Variants in EHMT1 observed in about 807,000 individuals in gnomAD.
The protein encoded by EHMT1 is euchromatic histone lysine methyltransferase 1, also known as histone-lysine N-methyltransferase EHMT1.
A neutral mutation model predicts 147.2 loss-of-function variants in EHMT1; 15 were observed. The observed-to-expected ratio is 0.10, with a 90% confidence interval of 0.07 to 0.16. The LOEUF (loss-of-function observed/expected upper bound fraction) is 0.16. Among genes scored for constraint, EHMT1 ranks in the 10% least tolerant of loss-of-function variants. The pLI, the probability that EHMT1 is intolerant of heterozygous loss-of-function variation, is 1.00. For missense variants in EHMT1, 1,587 were observed against 1,772.4 expected, an observed-to-expected ratio of 0.90 and a Z score of 1.88; for synonymous variants, 795 against 709.6, an observed-to-expected ratio of 1.12 and a Z score of -1.91.
chr9:137,788,784 C>T lies in EHMT1; in HGVS notation c.2383-2064C>T, dbSNP rs577907314. 4.3e-4 allele frequency: 66 copies of T among 152,284 alleles called. No homozygotes were observed. Among genetic ancestry groups the T allele is most frequent in the Middle Eastern group, 3.4e-3 (1 of 296 alleles). 9.4% of individuals were successfully genotyped at this position (152,284 alleles called of 1,614,324 possible). Reference sequence around the variant, plus strand: ...CCGTCAGAGCCTCGCGGAGGGTGAGCGGCCGGCGGCTTCGACCTTGGAGTC... The same window carrying T: ...CCGTCAGAGCCTCGCGGAGGGTGAGTGGCCGGCGGCTTCGACCTTGGAGTC... On this transcript the variant is annotated intron_variant, in intron 15 of 26. Transcript: ENST00000460843.
At chr9:137,620,581 C>T (rs942293426) in intron 1 of EHMT1, among the ~76,000 whole-genome samples, 9 of 151,988 alleles carry the variant, frequency 5.9e-5, no homozygotes, top group South Asian at 2.1e-4. Flanking sequence ...TGGTAGAGAC[C>T]GGGGTTTCAC....
At chr9:137,712,092 C>T (rs1255308272) in intron 2 of EHMT1, among the ~76,000 whole-genome samples, 1 of 152,226 alleles carries the variant, frequency 6.6e-6, no homozygotes, top group African/African-American at 2.4e-5. Flanking sequence ...CCATCCACCT[C>T]CTGCAGCCTG....
chr9:137,744,606 C>CG, intron 6 of EHMT1, among the ~76,000 whole-genome samples: 1 of 152,372 alleles, frequency 6.6e-6, no homozygotes, highest in South Asian at 2.1e-4. Context: ...CCATGAGCCA[C>CG]GGCGCCCGCC....
chr9:137,671,540 T>C (rs1382060696), intron 1 of EHMT1, among the ~76,000 whole-genome samples: 1 of 149,988 alleles, frequency 6.7e-6, no homozygotes, highest in Non-Finnish European at 1.5e-5. Context: ...TTTTTTTTTT[T>C]TCGAGACAGA....
At chr9:137,675,779 A>ATTTTTTTTTTTTTT in intron 1 of EHMT1, among the ~76,000 whole-genome samples, 1 of 95,742 alleles carries the variant, frequency 1.0e-5, no homozygotes, top group African/African-American at 4.7e-5. Context: ...CGCCCGGCTA[A>ATTTTTTTTTTTTTT]TTTTTTTTTT....
At chr9:137,827,723 G>A (rs903886055) in intron 25 of EHMT1, among the ~76,000 whole-genome samples, 3 of 152,186 alleles carry the variant, frequency 2.0e-5, no homozygotes, top group African/African-American at 7.2e-5. Flanking sequence ...TTCTGGAGCT[G>A]TTGAACATGC....
chr9:137,773,779 C>CTTT lies in EHMT1; in HGVS notation c.1648-1328_1648-1327insTTT, dbSNP rs113878900. ...GACCGAATACGAAGAATGTCAGAGG[C>CTTT]TTATGTTGAATTTCTTTGTGTAATT... On this transcript the variant is annotated intron_variant, in intron 10 of 26. Coordinates refer to ENST00000460843, the MANE Select transcript of EHMT1 (RefSeq NM_024757.5). Among the ~76,000 whole-genome samples the CTTT allele has an allele frequency of 6.4e-3, 975 of 152,244 alleles. 13 individuals are homozygous for CTTT. Among genetic ancestry groups the CTTT allele is most frequent in the African/African-American group, 0.021 (869 of 41,518 alleles).
At chr9:137,815,509 G>C (rs1344868180) in intron 22 of EHMT1, 2 of 288,520 alleles carry the variant, frequency 6.9e-6, no homozygotes, top group Non-Finnish European at 1.4e-5. Flanking sequence ...CTTCAGGGGG[G>C]TAGAAAGGGG....
At position 137,786,109 on chromosome 9, in the gene EHMT1, C is replaced by T. The variant is rs1041003161; in HGVS notation, c.2382+3712C>T. 15 of 152,282 alleles carry T rather than the reference C, an allele frequency of 9.9e-5. No individual in the cohort carries two copies. The highest frequency in any genetic ancestry group is 9.8e-4 in the Admixed American group (15 of 15,282). 9.4% of individuals were successfully genotyped at this position (152,282 alleles called of 1,614,324 possible). A position where few individuals can be genotyped will look rare whatever the true frequency, so the allele number is the denominator to read the frequency against. On this transcript the variant is annotated intron_variant, in intron 15 of 26. Transcript: ENST00000460843. The surrounding 1 kb of genome is among the most constrained non-coding windows in gnomAD (Gnocchi z 4.3). ...TTGGGGAGGCCGAGTGAGGGGAGTA[C>T]AGAGCTCTTCGTTCTGTTTTACAGC...
chr9:137,771,624 C>T (rs1250205794), intron 10 of EHMT1, among the ~76,000 whole-genome samples: 1 of 152,132 alleles, frequency 6.6e-6, no homozygotes, highest in Admixed American at 6.5e-5. Flanking sequence ...CAGGCGAGCA[C>T]CTTGCTGGAC....
At chr9:137,728,180 G>A (rs570684623) in intron 3 of EHMT1, among the ~76,000 whole-genome samples, 169 bp from the exon 4 acceptor site, 4 of 152,328 alleles carry the variant, frequency 2.6e-5, no homozygotes, top group Admixed American at 2.0e-4. Flanking sequence ...CTAGGCACAC[G>A]TGAGGACAGC....
At chr9:137,820,531 A>G (rs2132866449) in intron 25 of EHMT1, among the ~76,000 whole-genome samples, 1 of 152,302 alleles carries the variant, frequency 6.6e-6, no homozygotes, top group Non-Finnish European at 1.5e-5. Flanking sequence ...CTTTTTCTAA[A>G]TACTGGGTTT....
At chr9:137,730,119 T>C (rs1946975312) in intron 4 of EHMT1, among the ~76,000 whole-genome samples, 1 of 152,260 alleles carries the variant, frequency 6.6e-6, no homozygotes, top group Admixed American at 6.5e-5. Context: ...CCCAGGATTG[T>C]GTGCAGGTCG....
chr9:137,649,631 G>T (rs935647619), intron 1 of EHMT1, among the ~76,000 whole-genome samples: 5 of 152,122 alleles, frequency 3.3e-5, no homozygotes, highest in Admixed American at 6.6e-5. Flanking sequence ...TTAGTGACTG[G>T]TGTCCATAAG....
At chr9:137,714,653 A>G (rs1335603518) in intron 2 of EHMT1, among the ~76,000 whole-genome samples, 1 of 150,942 alleles carries the variant, frequency 6.6e-6, no homozygotes, top group Non-Finnish European at 1.5e-5. Context: ...CCTGGGCTCA[A>G]GCGACCCTCC....
chr9:137,791,014 C>T lies in EHMT1; in HGVS notation c.2505+44C>T, dbSNP rs149398639. Reference sequence around the variant, plus strand: ...ATCAACGTCCTAGTGTGTGTGTAGACGTTTCTCAGAAAGCTGAGCAAGGGA... The same window carrying T: ...ATCAACGTCCTAGTGTGTGTGTAGATGTTTCTCAGAAAGCTGAGCAAGGGA... On this transcript the variant is annotated intron_variant, in intron 16 of 26. Transcript: ENST00000460843. 2.8e-4 allele frequency: 444 copies of T among 1,613,936 alleles called. 1 individual carries two copies. In the East Asian group the frequency reaches 3.8e-3, roughly 14 times the overall value.
At chr9:137,780,129 G>GGCAT (rs913958004) in intron 14 of EHMT1, among the ~76,000 whole-genome samples, 1 of 145,154 alleles carries the variant, frequency 6.9e-6, no homozygotes, top group Admixed American at 6.7e-5. Context: ...TGGTGATGAC[G>GGCAT]CTGAGATGTG....
intron 3 of EHMT1, among the ~76,000 whole-genome samples, chr9:137,727,953 A>T (rs939200268): frequency 2.6e-5 from 4 of 152,180 alleles, no homozygotes; most frequent in African/African-American, 9.7e-5. Context: ...CATTTTGGGT[A>T]TTTTTTAGCT....
chr9:137,685,788 G>A (rs1262925442), intron 1 of EHMT1, among the ~76,000 whole-genome samples: 2 of 152,216 alleles, frequency 1.3e-5, no homozygotes, highest in Non-Finnish European at 2.9e-5. Context: ...GTATGTCATT[G>A]TGGTTTTGAC....
Sources: allele counts gnomAD v4.1 joint callset (sites outside exome capture counted in the v4.1 genomes callset), GRCh38; gene constraint gnomAD v4.1.1; non-coding constraint Gnocchi (gnomAD v3.1); transcripts MANE v1.5; gene names NCBI Gene and HGNC (gene_info 2026-07-23, HGNC 2026-07-21).